Variants in CLNK observed in about 807,000 individuals in gnomAD.
The protein encoded by CLNK is cytokine-dependent hematopoietic cell linker.
In CLNK, 74 loss-of-function variants were observed where a neutral mutation model predicts 68.6. That is an observed-to-expected ratio of 1.08 (90% CI 0.89 to 1.31). CLNK has a LOEUF of 1.31. Ranked by LOEUF, CLNK falls within the 50% of genes most tolerant of loss-of-function variation. The pLI is 0.00. For synonymous variants in CLNK, 198 were observed against 172.2 expected (o/e 1.15, Z -1.17); for missense variants, 553 against 515.3 (o/e 1.07, Z -0.71).
At chr4:10,678,372 C>T (rs1329108847) in intron 1 of CLNK, among the ~76,000 whole-genome samples, 1 of 152,262 alleles carries the variant, frequency 6.6e-6, no homozygotes, top group East Asian at 1.9e-4. Context: ...CAGATAATTA[C>T]TGAGTAATTT....
chr4:10,637,086 G>A (rs7658963), intron 2 of CLNK, among the ~76,000 whole-genome samples: 48,516 of 152,032 alleles, frequency 0.32, 8,766 homozygotes, highest in African/African-American at 0.49. Flanking sequence ...AGAAGGACAC[G>A]AGAAGAGCAA....
rs375124411 is a variant in CLNK, at chr4:10,564,631, C to T, written c.399+40G>A. The T allele has an allele frequency of 4.4e-6, 6 of 1,369,158 alleles. No homozygotes were observed. In the African/African-American group the frequency reaches 8.6e-5, roughly 20 times the overall value. The allele number at this position is 1,369,158 out of a possible 1,614,324, so 84.8% of individuals were successfully genotyped here. A position where few individuals can be genotyped will look rare whatever the true frequency, so the allele number is the denominator to read the frequency against. ...CAGTTTCTAGCTGGTTAGGAAGAGC[C>T]CTACACATGTTTGTGTCACAATGTC... On this transcript the variant is annotated intron_variant, in intron 7 of 18. Transcript: ENST00000226951.
chr4:10,501,931 AC>A (rs1217832096), intron 17 of CLNK, among the ~76,000 whole-genome samples: 1 of 152,226 alleles, frequency 6.6e-6, no homozygotes, highest in African/African-American at 2.4e-5. Context: ...TGGTTCCAAA[AC>A]AAAAACAAAA....
the CLNK span, among the ~76,000 whole-genome samples, chr4:10,731,074 G>A: frequency 1.3e-5 from 2 of 152,162 alleles, no homozygotes; most frequent in Non-Finnish European, 2.9e-5. Context: ...TTTGTGTTGA[G>A]AACATTCCAT....
At chr4:10,582,478 G>A (rs1042421979) in intron 4 of CLNK, among the ~76,000 whole-genome samples, 1 of 151,946 alleles carries the variant, frequency 6.6e-6, no homozygotes, top group African/African-American at 2.4e-5. Flanking sequence ...TATTATACGT[G>A]GAGGCTTAAG....
chr4:10,630,181 G>A (rs1722829766), intron 2 of CLNK, among the ~76,000 whole-genome samples: 1 of 152,212 alleles, frequency 6.6e-6, no homozygotes, highest in South Asian at 2.1e-4. Flanking sequence ...ATTGTAGACT[G>A]GAATTGAATC....
chr4:10,504,665 T>C (rs893347897), intron 17 of CLNK, among the ~76,000 whole-genome samples: 1 of 152,198 alleles, frequency 6.6e-6, no homozygotes, highest in Non-Finnish European at 1.5e-5. Context: ...ATTGAAGCCT[T>C]AATGTTCAAG....
chr4:10,713,054 C>T, the CLNK span, among the ~76,000 whole-genome samples: 9 of 152,188 alleles, frequency 5.9e-5, no homozygotes, highest in Admixed American at 3.3e-4. Flanking sequence ...ATTTTAGAGA[C>T]GCCTTCCAAC....
chr4:10,553,051 A>G (rs926414156), intron 8 of CLNK, among the ~76,000 whole-genome samples: 32 of 151,408 alleles, frequency 2.1e-4, no homozygotes, highest in Admixed American at 1.5e-3. Context: ...CAGGAAGAGG[A>G]GGGGGGGGCA....
rs899015838 is a variant in CLNK, at chr4:10,488,722, C to G, written c.*1745G>C. On this transcript the variant is annotated 3_prime_UTR_variant, in exon 19 of 19. Coordinates refer to ENST00000226951, the MANE Select transcript of CLNK (RefSeq NM_052964.4). ...CATTGACCTTGTGAAAGGAGAACAC[C>G]TGAGCAGGTATTTGGATAGTGGGTA... 1.3e-5 allele frequency: 2 copies of G among 152,216 alleles called. No homozygotes were observed. Among genetic ancestry groups the G allele is most frequent in the Non-Finnish European group, 2.9e-5 (2 of 68,042 alleles). 9.4% of individuals were successfully genotyped at this position (152,216 alleles called of 1,614,324 possible). A position where few individuals can be genotyped will look rare whatever the true frequency, so the allele number is the denominator to read the frequency against.
chr4:10,625,070 T>G (rs1290960157), intron 2 of CLNK, among the ~76,000 whole-genome samples: 1 of 152,200 alleles, frequency 6.6e-6, no homozygotes, highest in Non-Finnish European at 1.5e-5. Context: ...GAACCCATCT[T>G]TCATTCCCAA....
the CLNK span, among the ~76,000 whole-genome samples, chr4:10,726,466 G>T: frequency 6.6e-6 from 1 of 152,046 alleles, no homozygotes; most frequent in Non-Finnish European, 1.5e-5. Flanking sequence ...AAGGACACCA[G>T]TTATAGTGGA....
At chr4:10,560,708 C>T (rs940250186) in intron 7 of CLNK, among the ~76,000 whole-genome samples, 5 of 152,062 alleles carry the variant, frequency 3.3e-5, no homozygotes. Flanking sequence ...CCTCCCAAAA[C>T]GTGGGGACTA....
chr4:10,606,647 T>C (rs1271689094), intron 2 of CLNK, among the ~76,000 whole-genome samples: 1 of 152,222 alleles, frequency 6.6e-6, no homozygotes, highest in African/African-American at 2.4e-5. Context: ...CATTACAATG[T>C]TATAGCAGCT....
the CLNK span, among the ~76,000 whole-genome samples, chr4:10,725,779 C>A: frequency 6.6e-6 from 1 of 151,056 alleles, no homozygotes; most frequent in East Asian, 2.0e-4. Context: ...GGCGTGAACC[C>A]GGGAGGCGGA....
At chr4:10,626,576 GA>G (rs927601546) in intron 2 of CLNK, among the ~76,000 whole-genome samples, 85 of 151,810 alleles carry the variant, frequency 5.6e-4, no homozygotes, top group African/African-American at 2.0e-3. Context: ...AAAAGTACAA[GA>G]AAAAAACAGG....
chr4:10,633,119 G>A lies in CLNK; in HGVS notation c.11+34740C>T, dbSNP rs534641948. 4.9e-4 allele frequency among the ~76,000 whole-genome samples: 74 copies of A among 152,226 alleles called. No individual in the cohort carries two copies. In the South Asian group the frequency reaches 7.1e-3, roughly 15 times the overall value. On this transcript the variant is annotated intron_variant, in intron 2 of 18. Transcript: ENST00000226951. Reference sequence around the variant, plus strand: ...CACTAGGCTAATTTTTGTATTTTTAGTAGAGATGGGGTTTGGCCAGTTTGG... The same window carrying A: ...CACTAGGCTAATTTTTGTATTTTTAATAGAGATGGGGTTTGGCCAGTTTGG...
At chr4:10,664,146 T>C (rs570987752) in intron 2 of CLNK, among the ~76,000 whole-genome samples, 2 of 152,142 alleles carry the variant, frequency 1.3e-5, no homozygotes, top group Non-Finnish European at 2.9e-5. Flanking sequence ...GTTATAAAAT[T>C]GTAAGAAATT....
At chr4:10,683,409 G>GAACATCTAAATACTACCA in intron 1 of CLNK, among the ~76,000 whole-genome samples, 1 of 152,246 alleles carries the variant, frequency 6.6e-6, no homozygotes, top group Non-Finnish European at 1.5e-5. Flanking sequence ...CATTTAGATG[G>GAACATCTAAATACTACCA]TTGGTGTCAG....
Sources: gnomAD v4.1 joint callset for allele counts (sites outside exome capture counted in the v4.1 genomes callset) on GRCh38, gnomAD v4.1.1 for gene constraint, MANE v1.5 for transcripts, NCBI Gene and HGNC (gene_info 2026-07-23, HGNC 2026-07-21) for gene names.